Variants in IFI44L observed in about 807,000 individuals in gnomAD.
IFI44L encodes the protein interferon induced protein 44 like, also known as interferon-induced protein 44-like.
IFI44L carries 40 observed loss-of-function variants against 39.3 expected under a neutral mutation model. That is an observed-to-expected ratio of 1.02 (90% CI 0.79 to 1.33). IFI44L has a LOEUF of 1.33. IFI44L is among the 40% of genes most tolerant of loss of function. IFI44L has a pLI of 0.00. For synonymous variants in IFI44L, 198 were observed against 182.3 expected (o/e 1.09, Z -0.69); for missense variants, 623 against 549.0 (o/e 1.13, Z -1.35).
chr1:78,632,455 G>T (rs369285828), intron 4 of IFI44L, among the ~76,000 whole-genome samples: 2 of 152,266 alleles, frequency 1.3e-5, no homozygotes, highest in East Asian at 3.9e-4. Flanking sequence ...GGATAACCCA[G>T]TGGACGAATG....
rs1181034919 is a variant in IFI44L at position 78,641,107 on chromosome 1, A to C, written c.1135A>C (p.Thr379Pro). 2 of 1,609,076 alleles carry C rather than the reference A, an allele frequency of 1.2e-6. No individual in the cohort carries two copies. Among genetic ancestry groups the C allele is most frequent in the Non-Finnish European group, 1.7e-6 (2 of 1,175,824 alleles). ...CTTTTTAAACATGAGTAGATCTATG[A>C]CTTCTCAAAGCCGGGTAAAAAATGC... Reference protein sequence around the residue: ...DNFLNMSRSMTSQSRVMNVHK... With the variant: ...DNFLNMSRSMPSQSRVMNVHK... The change falls in exon 7 of 9, where the codon ACT becomes CCT. Residue 379 changes from threonine (T) to proline (P), a missense_variant. Physicochemically the swap from Thr to Pro is conservative, Grantham distance 38 (BLOSUM62 -1). Coordinates refer to ENST00000370751, the MANE Select transcript of IFI44L (RefSeq NM_006820.4).
chr1:78,634,389 C>T (rs966234432), intron 4 of IFI44L, among the ~76,000 whole-genome samples: 1 of 152,056 alleles, frequency 6.6e-6, no homozygotes, highest in African/African-American at 2.4e-5. Context: ...AGCAGAAACT[C>T]TGCAGGCCAA....
intron 1 of IFI44L, chr1:78,626,584 TA>T (rs1250168646): frequency 5.3e-5 from 8 of 152,114 alleles, no homozygotes; most frequent in Non-Finnish European, 1.0e-4. Flanking sequence ...AATTCTCATT[TA>T]CCTTAATTCA....
intron 6 of IFI44L, among the ~76,000 whole-genome samples, chr1:78,637,407 C>G (rs1652989953): frequency 6.6e-6 from 1 of 151,886 alleles, no homozygotes; most frequent in Non-Finnish European, 1.5e-5. Context: ...ATAGACTGGC[C>G]AACCATTTTT....
chr1:78,639,778 T>C (rs1412504954), intron 6 of IFI44L, among the ~76,000 whole-genome samples: 1 of 152,132 alleles, frequency 6.6e-6, no homozygotes. Flanking sequence ...TAAAGAATTG[T>C]TGGGGCATTT....
Position 78,629,888 on chromosome 1 carries a change from G to A in IFI44L, c.696G>A (p.Gly232=), listed in dbSNP as rs750740493. 1.2e-6 allele frequency: 2 copies of A among 1,613,700 alleles called. No individual in the cohort carries two copies. Among genetic ancestry groups the A allele is most frequent in the Non-Finnish European group, 1.7e-6 (2 of 1,179,754 alleles). ...ATGTGACTGGCCAAGCCGTAGTGGG[G>A]TCTGATATCACCAGCATAACCGAGC... The part of the protein sequence containing the change: ...HGHVTGQAVV[G]SDITSITERY... Residue 232 remains glycine (G), a synonymous_variant, in exon 4 of 9, where the codon GGG becomes GGA. Transcript: ENST00000370751.
At chr1:78,625,378 G>T (rs923727780) in intron 1 of IFI44L, among the ~76,000 whole-genome samples, 8 of 151,964 alleles carry the variant, frequency 5.3e-5, no homozygotes, top group African/African-American at 7.2e-5. Context: ...TTGGTAAGTT[G>T]TATTTTTCTA....
chr1:78,637,721 T>C (rs930935676), intron 6 of IFI44L, among the ~76,000 whole-genome samples: 1 of 152,124 alleles, frequency 6.6e-6, no homozygotes, highest in Non-Finnish European at 1.5e-5. Context: ...ATACAGTATG[T>C]CACCTTTTGA....
In IFI44L at chr1:78,629,375, C is replaced by A. The variant is rs115418340; in HGVS notation, c.528-345C>A. Reference sequence around the variant, plus strand: ...CATTGCATATATTTTATTTTGATTTCTCCTTAATGTACTTTTAGTGAAAAT... The same window carrying A: ...CATTGCATATATTTTATTTTGATTTATCCTTAATGTACTTTTAGTGAAAAT... On this transcript the variant is annotated intron_variant, in intron 3 of 8. Coordinates refer to ENST00000370751, the MANE Select transcript of IFI44L (RefSeq NM_006820.4). Among the ~76,000 whole-genome samples the A allele has an allele frequency of 3.9e-3, 600 of 152,190 alleles. 2 individuals are homozygous for A. The highest frequency in any genetic ancestry group is 6.8e-3 in the Non-Finnish European group (459 of 67,988).
rs1361061007 is a variant in IFI44L, at chr1:78,629,721, C to T, written c.529C>T (p.His177Tyr). Residue 177 changes from histidine (H) to tyrosine (Y), a missense_variant and splice_region_variant, in exon 4 of 9, where the codon CAC becomes TAC. Coordinates refer to ENST00000370751, the MANE Select transcript of IFI44L (RefSeq NM_006820.4). The stretch of plus-strand genomic sequence containing the variant: ...TATTTAACCACTATATTTTAACAGG[C>T]ACAGAAATAGGCTTCTAGCAGACAT... ...DIKRIIKARE[H>Y]RNRLLADIRD... 6.2e-7 allele frequency: 1 copy of T among 1,605,652 alleles called. No homozygotes were observed. The highest frequency in any genetic ancestry group is 8.5e-7 in the Non-Finnish European group (1 of 1,175,916).
intron 3 of IFI44L, chr1:78,629,485 G>A (rs1652657266): frequency 4.9e-6 from 2 of 406,446 alleles, no homozygotes; most frequent in Non-Finnish European, 8.6e-6. Context: ...TTGGTTGCAG[G>A]TTAATATTTA....
At chr1:78,634,991 T>C in intron 4 of IFI44L, among the ~76,000 whole-genome samples, 1 of 124,012 alleles carries the variant, frequency 8.1e-6, no homozygotes, top group South Asian at 2.9e-4. Flanking sequence ...TACCATTATA[T>C]ATATATATAT....
At chr1:78,637,855 G>A (rs971068063) in intron 6 of IFI44L, among the ~76,000 whole-genome samples, 5 of 151,984 alleles carry the variant, frequency 3.3e-5, no homozygotes, top group Admixed American at 2.0e-4. Flanking sequence ...GTTTAACCAT[G>A]CTCTATCAAA....
Position 78,642,921 on chromosome 1 carries a change from C to G in IFI44L, c.*1112C>G, listed in dbSNP as rs1647004840. 1 of 151,940 alleles carries G rather than the reference C, an allele frequency of 6.6e-6. No homozygotes were observed. Among genetic ancestry groups the G allele is most frequent in the Admixed American group, 6.6e-5 (1 of 15,246 alleles). 9.4% of individuals were successfully genotyped at this position (151,940 alleles called of 1,614,324 possible). On this transcript the variant is annotated 3_prime_UTR_variant, in exon 9 of 9. Coordinates refer to ENST00000370751, the MANE Select transcript of IFI44L (RefSeq NM_006820.4). ...TTTATGCTCCAAATAATTCTGAAGT[C>G]CTCTTACTAGCTGTGAAAGCTAGTA...
At position 78,628,016 on chromosome 1, in the gene IFI44L, G is replaced by C. The variant is rs772802642; in HGVS notation, c.101G>C (p.Gly34Ala). 1.2e-6 allele frequency: 2 copies of C among 1,613,220 alleles called. No homozygotes were observed. The highest frequency in any genetic ancestry group is 3.3e-5 in the Admixed American group (2 of 59,938). ...CTTCTCTATAAGTCTAGTGTTCATGGAGGTAGCATTGAAGATATGGTTGAA... is the reference window on the plus strand; with the variant it reads ...CTTCTCTATAAGTCTAGTGTTCATGCAGGTAGCATTGAAGATATGGTTGAA... ...LSLLYKSSVH[G>A]GSIEDMVERC... The change falls in exon 2 of 9, where the codon GGA becomes GCA. Residue 34 changes from glycine (G) to alanine (A), a missense_variant. Physicochemically the swap from Gly to Ala is moderately conservative, Grantham distance 60. Coordinates refer to ENST00000370751, the MANE Select transcript of IFI44L (RefSeq NM_006820.4).
chr1:78,633,139 C>G (rs185875499), intron 4 of IFI44L, among the ~76,000 whole-genome samples: 1 of 152,144 alleles, frequency 6.6e-6, no homozygotes, highest in African/African-American at 2.4e-5. Flanking sequence ...GATAGTTTTA[C>G]GTTATCTGCA....
At chr1:78,639,014 C>G (rs1287553400) in intron 6 of IFI44L, among the ~76,000 whole-genome samples, 1 of 151,992 alleles carries the variant, frequency 6.6e-6, no homozygotes, top group African/African-American at 2.4e-5. Flanking sequence ...TGTTTGACAC[C>G]CTTGGAGAAA....
chr1:78,625,630 A>G (rs552668498), intron 1 of IFI44L: 1 of 151,948 alleles, frequency 6.6e-6, no homozygotes, highest in East Asian at 1.9e-4. Flanking sequence ...TTGTCCATTA[A>G]TATTTCTGTC....
rs1340993317 is a variant in IFI44L at position 78,629,767 on chromosome 1, C to T, written c.575C>T (p.Ala192Val). The change falls in exon 4 of 9, where the codon GCA becomes GTA. Residue 192 changes from alanine (A) to valine (V), a missense_variant. Coordinates refer to ENST00000370751, the MANE Select transcript of IFI44L (RefSeq NM_006820.4). ...GACATCAGAGACTATAGGCCCTATG[C>T]AGACTTGGTTTCAGAAATTCGTATT... ...LADIRDYRPY[A>V]DLVSEIRILL... 1 of 1,613,692 alleles carries T rather than the reference C, an allele frequency of 6.2e-7. No homozygotes were observed. Among genetic ancestry groups the T allele is most frequent in the Non-Finnish European group, 8.5e-7 (1 of 1,179,748 alleles).
Sources: allele counts gnomAD v4.1 joint callset (sites outside exome capture counted in the v4.1 genomes callset), GRCh38; gene constraint gnomAD v4.1.1; transcripts MANE v1.5; gene names NCBI Gene and HGNC (gene_info 2026-07-23, HGNC 2026-07-21).